MLH3: variants seen among roughly 807,000 people sequenced by gnomAD.
The protein encoded by MLH3 is mutL homolog 3, also known as DNA mismatch repair protein Mlh3.
Under a neutral mutation model 122.2 loss-of-function variants are expected in MLH3, and 82 were observed. The ratio of observed to expected loss-of-function variants is 0.67; its 90% confidence interval spans 0.56 to 0.81. The LOEUF is 0.81. Ranked by LOEUF, MLH3 falls within the 30% of genes least tolerant of loss-of-function variation. MLH3 has a pLI of 0.00. For missense variants in MLH3, 1,539 were observed against 1,714.5 expected, an observed-to-expected ratio of 0.90 and a Z score of 1.81; for synonymous variants, 524 against 599.5, an observed-to-expected ratio of 0.87 and a Z score of 1.84.
At chr14:75,038,936 T>TCATGCCATTCTCCTGCCTC (rs1482562623) in intron 5 of MLH3, among the ~76,000 whole-genome samples, 1 of 151,752 alleles carries the variant, frequency 6.6e-6, no homozygotes, top group Non-Finnish European at 1.5e-5. Flanking sequence ...CCTCCTGGGT[T>TCATGCCATTCTCCTGCCTC]CATGCCATTC....
Position 75,046,601 on chromosome 14 carries a change from T to G in MLH3, c.3055A>C (p.Ile1019Leu). The change falls in exon 2 of 13, where the codon ATT (isoleucine) becomes CTT (leucine). Residue 1019 changes from isoleucine (I) to leucine (L), a missense_variant. Physicochemically the swap from Ile to Leu is conservative, Grantham distance 5 (BLOSUM62 2). Coordinates refer to ENST00000355774, the MANE Select transcript of MLH3 (RefSeq NM_001040108.2). ...VEDATGDQNG[I>L]CFQSEESKAR... Reference sequence around the variant, plus strand: ...TTAGATTCCTCACTCTGAAAACAAATTCCATTTTGGTCACCTGTGGCATCT... The same window carrying G: ...TTAGATTCCTCACTCTGAAAACAAAGTCCATTTTGGTCACCTGTGGCATCT... 1.2e-6 allele frequency: 2 copies of G among 1,614,220 alleles called. No individual in the cohort carries two copies. The highest frequency in any genetic ancestry group is 1.1e-5 in the South Asian group (1 of 91,082).
At position 75,042,411 on chromosome 14, in the gene MLH3, G is replaced by C. The variant is rs769952122; in HGVS notation, c.3347C>G (p.Ala1116Gly). The change falls in exon 3 of 13, where the codon GCA (alanine) becomes GGA (glycine). Residue 1116 changes from alanine to glycine, a missense_variant. Physicochemically the swap from Ala to Gly is moderately conservative, Grantham distance 60 (BLOSUM62 0). Coordinates refer to ENST00000355774, the MANE Select transcript of MLH3 (RefSeq NM_001040108.2). Reference protein sequence around the residue: ...LVLPFLPRARAERTVMRQDNR... With the variant: ...LVLPFLPRARGERTVMRQDNR... ...ATCCTGTCTCATCACAGTCCTCTCT[G>C]CTCGAGCTCTCGGAAGGAAAGGAAG... 2 of 1,614,114 alleles carry C rather than the reference G, an allele frequency of 1.2e-6. No individual in the cohort carries two copies. The highest frequency in any genetic ancestry group is 4.5e-5 in the East Asian group (2 of 44,876).
In MLH3 at chr14:75,046,770, G is replaced by A. The variant is rs2139553794; in HGVS notation, c.2886C>T (p.Asn962=). ...KTHSNSNTTE[N]CVISETPLVL... ...CCAAAGGAGTTTCTGATATCACACA[G>A]TTCTCTGTTGTATTGCTGTTAGAAT... The change falls in exon 2 of 13, where the codon AAC becomes AAT. Residue 962 remains asparagine (N), a synonymous_variant. Transcript: ENST00000355774. The A allele has an allele frequency of 6.2e-7, 1 of 1,614,132 alleles. No individual in the cohort carries two copies. The highest frequency in any genetic ancestry group is 1.1e-5 in the South Asian group (1 of 91,082).
intron 9 of MLH3, among the ~76,000 whole-genome samples, chr14:75,027,686 A>AAAAAAAAAAAAC (rs1566580490): frequency 6.7e-6 from 1 of 149,586 alleles, no homozygotes; most frequent in Non-Finnish European, 1.5e-5. Context: ...AAAAAAAAAA[A>AAAAAAAAAAAAC]AAAAAAAACC....
chr14:75,038,268 C>T (rs1415552902), intron 6 of MLH3, 72 bp downstream of exon 6: 1 of 1,043,592 alleles, frequency 9.6e-7, no homozygotes, highest in African/African-American at 1.6e-5. Context: ...TATTATATAC[C>T]AAAAATAATC....
intron 2 of MLH3, among the ~76,000 whole-genome samples, chr14:75,044,257 T>C (rs1168169424): frequency 6.6e-6 from 1 of 152,186 alleles, no homozygotes; most frequent in Non-Finnish European, 1.5e-5. Context: ...TATTTTTCAT[T>C]AGGAAACTAT....
In MLH3 at chr14:75,047,812, T is replaced by C; in HGVS notation, c.1844A>G (p.Asn615Ser). ...STGFITHVVQ[N>S]EKTKSTETEH... ...TGTTTCAGTTGATTTAGTTTTTTCATTTTGTACTACATGAGTTATAAAGCC... is the reference window on the plus strand; with the variant it reads ...TGTTTCAGTTGATTTAGTTTTTTCACTTTGTACTACATGAGTTATAAAGCC... Residue 615 changes from asparagine to serine, a missense_variant, in exon 2 of 13, where the codon AAT (asparagine) becomes AGT (serine). Transcript: ENST00000355774. The C allele has an allele frequency of 1.2e-6, 2 of 1,614,054 alleles. No homozygotes were observed. The highest frequency in any genetic ancestry group is 1.6e-4 in the Middle Eastern group (1 of 6,062).
At chr14:75,037,753 G>T (rs1310952739) in intron 6 of MLH3, among the ~76,000 whole-genome samples, 1 of 151,480 alleles carries the variant, frequency 6.6e-6, no homozygotes, top group Non-Finnish European at 1.5e-5. Context: ...AGGAGTTCGA[G>T]ACCTACCTGG....
At chr14:75,034,709 T>A (rs1465817324) in intron 6 of MLH3, among the ~76,000 whole-genome samples, 1 of 152,148 alleles carries the variant, frequency 6.6e-6, no homozygotes, top group Non-Finnish European at 1.5e-5. Context: ...GCCATGTTTA[T>A]CCTGCCTTAG....
chr14:75,037,412 T>C (rs895614748), intron 6 of MLH3, among the ~76,000 whole-genome samples: 2 of 152,176 alleles, frequency 1.3e-5, no homozygotes, highest in African/African-American at 2.4e-5. Flanking sequence ...CTTGCATATA[T>C]ATCTTTTCTC....
At chr14:75,026,179 A>G (rs975005995) in intron 9 of MLH3, among the ~76,000 whole-genome samples, 19 of 152,198 alleles carry the variant, frequency 1.2e-4, no homozygotes, top group African/African-American at 4.6e-4. Flanking sequence ...AGATATTACT[A>G]AAGCACTTCA....
intron 12 of MLH3, among the ~76,000 whole-genome samples, chr14:75,017,973 C>A (rs563042629): frequency 8.8e-6 from 1 of 113,154 alleles, no homozygotes; most frequent in Non-Finnish European, 2.1e-5. Context: ...TGGAGAAACG[C>A]TGTCTCTACT....
intron 2 of MLH3, among the ~76,000 whole-genome samples, chr14:75,045,324 C>CT (rs536649178): frequency 2.0e-5 from 3 of 152,184 alleles, no homozygotes; most frequent in Non-Finnish European, 4.4e-5. Context: ...GAGTGAAACT[C>CT]TGTCTCAAAT....
At chr14:75,041,811 G>T in intron 3 of MLH3, 111 bp from the exon 4 acceptor site, 1 of 761,540 alleles carries the variant, frequency 1.3e-6, no homozygotes. Flanking sequence ...CACGTACATT[G>T]TTTCTATGTT....
In MLH3 at chr14:75,032,068, C is replaced by T; in HGVS notation, c.3827G>A (p.Trp1276Ter). ...ATCACATTCTCATGGTGGTACTGAC[C>T]ATAAGAGTCTCCTTTGTTCCTCTGT... The part of the protein sequence containing the change: ...TVTEEQRRLL[W>*]CYHKNLEDLG... Residue 1276 changes from tryptophan (W) to a stop codon, truncating the protein, a stop_gained and splice_region_variant, in exon 8 of 13, where the codon TGG becomes TAG. Coordinates refer to ENST00000355774, the MANE Select transcript of MLH3 (RefSeq NM_001040108.2). LOFTEE classifies it high-confidence loss of function. The T allele has an allele frequency of 6.4e-7, 1 of 1,560,146 alleles. No individual in the cohort carries two copies. The highest frequency in any genetic ancestry group is 1.7e-4 in the Middle Eastern group (1 of 5,950).
rs1351361853 is a variant in MLH3 at position 75,048,785 on chromosome 14, T to A, written c.871A>T (p.Asn291Tyr). Residue 291 changes from asparagine (N) to tyrosine (Y), a missense_variant, in exon 2 of 13, where the codon AAT becomes TAT. Asn to Tyr is a moderately radical substitution (Grantham distance 143). Coordinates refer to ENST00000355774, the MANE Select transcript of MLH3 (RefSeq NM_001040108.2). Reference sequence around the variant, plus strand: ...GTAGACCGGTGCCGAAGACTTGAATTCATTTGCCTACTGGTGGGACCATTC... The same window carrying A: ...GTAGACCGGTGCCGAAGACTTGAATACATTTGCCTACTGGTGGGACCATTC... ...PKNGPTSRQMNSSLRHRSTPE... is the reference protein window; with the variant it reads ...PKNGPTSRQMYSSLRHRSTPE... 3.7e-6 allele frequency: 6 copies of A among 1,614,152 alleles called. No homozygotes were observed. Among genetic ancestry groups the A allele is most frequent in the Non-Finnish European group, 4.2e-6 (5 of 1,180,018 alleles).
chr14:75,033,411 A>G lies in MLH3; in HGVS notation c.3715+8T>C. Reference sequence around the variant, plus strand: ...TCAAATTTTTTCTGGCTGCAAACAGATCCTTACCAATGATAAGCTGCTCCA... The same window carrying G: ...TCAAATTTTTTCTGGCTGCAAACAGGTCCTTACCAATGATAAGCTGCTCCA... On this transcript the variant is annotated splice_region_variant and intron_variant, in intron 7 of 12. Transcript: ENST00000355774. 1.9e-6 allele frequency: 3 copies of G among 1,613,936 alleles called. 1 individual carries two copies. The South Asian group carries it at 3.3e-5, about 18-fold the overall frequency.
chr14:75,036,913 C>T (rs1192474338), intron 6 of MLH3, among the ~76,000 whole-genome samples: 1 of 152,196 alleles, frequency 6.6e-6, no homozygotes, highest in Non-Finnish European at 1.5e-5. Context: ...ATTCTTTTAA[C>T]AGTCAATCTA....
Position 75,018,855 on chromosome 14 carries a change from T to C in MLH3, c.4216A>G (p.Ile1406Val), listed in dbSNP as rs2139296102. Residue 1406 changes from isoleucine (I) to valine (V), a missense_variant, in exon 12 of 13, where the codon ATA becomes GTA. Physicochemically the swap from Ile to Val is conservative, Grantham distance 29. Coordinates refer to ENST00000355774, the MANE Select transcript of MLH3 (RefSeq NM_001040108.2). ...GRPSMLPLAD[I>V]DHLEQEKQIK... Reference sequence around the variant, plus strand: ...TGTTTTTCCTGTTCCAAGTGGTCTATGTCAGCTAACGGCAGCATAGAAGGT... The same window carrying C: ...TGTTTTTCCTGTTCCAAGTGGTCTACGTCAGCTAACGGCAGCATAGAAGGT... 1 of 1,614,196 alleles carries C rather than the reference T, an allele frequency of 6.2e-7. No homozygotes were observed. The highest frequency in any genetic ancestry group is 8.5e-7 in the Non-Finnish European group (1 of 1,180,024).
Sources: gnomAD v4.1 joint callset for allele counts (sites outside exome capture counted in the v4.1 genomes callset) on GRCh38, gnomAD v4.1.1 for gene constraint, MANE v1.5 for transcripts, NCBI Gene and HGNC (gene_info 2026-07-23, HGNC 2026-07-21) for gene names.